Variants in MICU1 observed in about 807,000 individuals in gnomAD.
MICU1 encodes the protein mitochondrial calcium uptake 1.
In MICU1, 45 loss-of-function variants were observed where a neutral mutation model predicts 56.8. That is an observed-to-expected ratio of 0.79 (90% CI 0.62 to 1.02). The LOEUF is 1.02. Among genes scored for constraint, MICU1 ranks in the 50% least tolerant of loss-of-function variants. The pLI, the probability that MICU1 is intolerant of heterozygous loss-of-function variation, is 0.00. For missense variants in MICU1, 504 were observed against 587.1 expected (o/e 0.86, Z 1.46); for synonymous variants, 186 against 195.1 (o/e 0.95, Z 0.39).
chr10:72,592,875 C>T (rs182358550), intron 1 of MICU1, among the ~76,000 whole-genome samples: 1,824 of 151,618 alleles, frequency 0.012, 18 homozygotes, highest in Non-Finnish European at 0.018. Flanking sequence ...CTCTGCCTCC[C>T]GGGTTCAAGC....
chr10:72,464,613 A>T (rs1308870503), intron 8 of MICU1, among the ~76,000 whole-genome samples: 2 of 152,224 alleles, frequency 1.3e-5, no homozygotes, highest in East Asian at 3.9e-4. Flanking sequence ...TATACCATAT[A>T]GCTATACCAT....
chr10:72,580,625 C>T (rs1365537255), intron 1 of MICU1, among the ~76,000 whole-genome samples: 6 of 152,084 alleles, frequency 3.9e-5, no homozygotes, highest in East Asian at 1.9e-4. Flanking sequence ...TACAGGCATG[C>T]GCCACCACAC....
intron 8 of MICU1, among the ~76,000 whole-genome samples, chr10:72,441,761 C>T (rs1236101210): frequency 6.6e-6 from 1 of 151,150 alleles, no homozygotes. Flanking sequence ...GGACTACAGG[C>T]ATGCACCACT....
intron 6 of MICU1, among the ~76,000 whole-genome samples, chr10:72,484,015 G>A (rs886938288): frequency 3.3e-5 from 5 of 152,092 alleles, no homozygotes; most frequent in East Asian, 1.9e-4. Context: ...ATAAGTTTTA[G>A]TTTCAAACCA....
intron 11 of MICU1, among the ~76,000 whole-genome samples, chr10:72,372,817 G>C (rs913425743): frequency 6.6e-6 from 1 of 151,894 alleles, no homozygotes; most frequent in African/African-American, 2.4e-5. Flanking sequence ...ACTCCAGCCT[G>C]GGCAACAAGA....
At chr10:72,491,639 C>T (rs1478784135) in intron 6 of MICU1, among the ~76,000 whole-genome samples, 2 of 152,028 alleles carry the variant, frequency 1.3e-5, no homozygotes, top group Non-Finnish European at 2.9e-5. Context: ...ACTTCAGGCC[C>T]GGAGTTCGAG....
chr10:72,566,911 T>C (rs895523009), intron 1 of MICU1, 117 bp from the exon 2 acceptor site: 3 of 837,836 alleles, frequency 3.6e-6, no homozygotes, highest in Non-Finnish European at 5.4e-6. Flanking sequence ...ACAGGCACTA[T>C]TCTAAACAAT....
intron 1 of MICU1, among the ~76,000 whole-genome samples, chr10:72,623,375 GAAA>G (rs71021517): frequency 6.9e-6 from 1 of 144,802 alleles, no homozygotes; most frequent in Non-Finnish European, 1.5e-5. Context: ...GGAGAAGAAA[GAAA>G]AAAAGAAAAG....
At chr10:72,569,709 T>C (rs940578763) in intron 1 of MICU1, among the ~76,000 whole-genome samples, 2 of 152,082 alleles carry the variant, frequency 1.3e-5, no homozygotes, top group Admixed American at 6.6e-5. Flanking sequence ...CCCAAAACCA[T>C]AGGATCATTT....
intron 1 of MICU1, among the ~76,000 whole-genome samples, chr10:72,595,447 C>CAAAAAAA: frequency 2.4e-5 from 1 of 41,164 alleles, no homozygotes; most frequent in Non-Finnish European, 5.1e-5. Context: ...GACTCTGTCT[C>CAAAAAAA]AAAAAAAAAA....
intron 10 of MICU1, among the ~76,000 whole-genome samples, chr10:72,403,568 T>C (rs1253053205): frequency 6.6e-6 from 1 of 151,526 alleles, no homozygotes; most frequent in East Asian, 1.9e-4. Flanking sequence ...AGTCCACAAA[T>C]TTACCTAATA....
At chr10:72,437,186 A>C (rs936051357) in intron 8 of MICU1, among the ~76,000 whole-genome samples, 1 of 152,230 alleles carries the variant, frequency 6.6e-6, no homozygotes, top group Non-Finnish European at 1.5e-5. Flanking sequence ...CCATCAGACT[A>C]ACAGCAGATC....
rs566158405 is a variant in MICU1 at position 72,400,903 on chromosome 10, A to C, written c.1180+7026T>G. The stretch of plus-strand genomic sequence containing the variant: ...CACACACACACACACACACACACAC[A>C]CCCTATATGATATCATTAACTTGTT... On this transcript the variant is annotated intron_variant, in intron 10 of 11. Coordinates refer to ENST00000361114, the MANE Select transcript of MICU1 (RefSeq NM_001195518.2). Among the ~76,000 whole-genome samples, 108 of 148,064 alleles carry C rather than the reference A, an allele frequency of 7.3e-4. 1 individual carries two copies. The highest frequency in any genetic ancestry group is 8.7e-4 in the Admixed American group (13 of 14,940).
intron 6 of MICU1, among the ~76,000 whole-genome samples, chr10:72,493,701 C>A (rs1192878232): frequency 2.6e-5 from 4 of 152,266 alleles, no homozygotes; most frequent in Non-Finnish European, 5.9e-5. Flanking sequence ...AAGCGTTCTG[C>A]CCGCCTTGGT....
chr10:72,529,578 AG>A (rs1467130330), intron 5 of MICU1, among the ~76,000 whole-genome samples: 1 of 152,190 alleles, frequency 6.6e-6, no homozygotes, highest in African/African-American at 2.4e-5. Flanking sequence ...ATGTGGAGAA[AG>A]TTGTCTATTA....
intron 11 of MICU1, among the ~76,000 whole-genome samples, chr10:72,374,744 G>A (rs1476238031): frequency 6.8e-6 from 1 of 146,188 alleles, no homozygotes; most frequent in Non-Finnish European, 1.5e-5. Flanking sequence ...TGGTAATATA[G>A]TAAATAAAAC....
rs989230168 is a variant in MICU1 at position 72,540,501 on chromosome 10, C to T, written c.494-6712G>A. Reference sequence around the variant, plus strand: ...GCAACCTGGGAAACACAGTGAGACACTTGTCTCTACAAAAAAAAAATTTAA... The same window carrying T: ...GCAACCTGGGAAACACAGTGAGACATTTGTCTCTACAAAAAAAAAATTTAA... On this transcript the variant is annotated intron_variant, in intron 4 of 11. Coordinates refer to ENST00000361114, the MANE Select transcript of MICU1 (RefSeq NM_001195518.2). Among the ~76,000 whole-genome samples, 7 of 151,948 alleles carry T rather than the reference C, an allele frequency of 4.6e-5. No individual in the cohort carries two copies. In the South Asian group the frequency reaches 8.3e-4, roughly 18 times the overall value.
chr10:72,378,732 G>A (rs985168924), intron 10 of MICU1, among the ~76,000 whole-genome samples: 1 of 152,114 alleles, frequency 6.6e-6, no homozygotes, highest in Non-Finnish European at 1.5e-5. Context: ...AACGGGACCT[G>A]GGCTCCAGTT....
intron 11 of MICU1, among the ~76,000 whole-genome samples, chr10:72,373,713 C>T (rs1396355350): frequency 1.3e-5 from 2 of 152,062 alleles, no homozygotes; most frequent in Non-Finnish European, 2.9e-5. Context: ...CATTTATTCC[C>T]ATATTTACTT....
Sources: gnomAD v4.1 joint callset for allele counts (sites outside exome capture counted in the v4.1 genomes callset) on GRCh38, gnomAD v4.1.1 for gene constraint, MANE v1.5 for transcripts, NCBI Gene and HGNC (gene_info 2026-07-23, HGNC 2026-07-21) for gene names.